Variants in CBLN2 observed in about 807,000 individuals in gnomAD.
CBLN2 encodes the protein cerebellin 2 precursor, also known as cerebellin-2.
In CBLN2, 7 loss-of-function variants were observed where a neutral mutation model predicts 15.0. The ratio of observed to expected loss-of-function variants is 0.47; its 90% CI spans 0.27 to 0.88. The LOEUF is 0.88. Among genes scored for constraint, CBLN2 ranks in the 40% least tolerant of loss-of-function variants. The pLI is 0.14. For synonymous variants in CBLN2, 149 were observed against 135.2 expected (o/e 1.10, Z -0.71); for missense variants, 242 against 304.5 (o/e 0.79, Z 1.53).
chr18:72,599,724 G>A (rs984178979), intron 1 of CBLN2, among the ~76,000 whole-genome samples: 1 of 152,288 alleles, frequency 6.6e-6, no homozygotes, highest in South Asian at 2.1e-4. Context: ...GATAAATCAA[G>A]GTCTGGAACA....
chr18:72,561,757 G>A (rs1003720390), intron 1 of CBLN2, among the ~76,000 whole-genome samples: 49 of 152,136 alleles, frequency 3.2e-4, no homozygotes, highest in Admixed American at 2.8e-3. Flanking sequence ...ATAACGTATT[G>A]CTTATTTCAT....
intron 1 of CBLN2, among the ~76,000 whole-genome samples, chr18:72,603,623 C>T (rs2069563438): frequency 6.6e-6 from 1 of 152,066 alleles, no homozygotes; most frequent in African/African-American, 2.4e-5. Flanking sequence ...TGTGCCTTTC[C>T]TTCCTCAAGC....
At chr18:72,605,160 C>T (rs1289295142) in intron 1 of CBLN2, among the ~76,000 whole-genome samples, 1 of 152,160 alleles carries the variant, frequency 6.6e-6, no homozygotes, top group Non-Finnish European at 1.5e-5. Flanking sequence ...ATTGAATTTA[C>T]AGTCAACCAA....
In CBLN2 at chr18:72,542,228, G is replaced by T; in HGVS notation, c.-68C>A. ...CGGCGCGAGCGGCGCGGAAGGGCGC[G>T]AAGGAACGCGCGGAGCTCGCAGCAG... On this transcript the variant is annotated 5_prime_UTR_variant, in exon 3 of 5. Transcript: ENST00000269503. The T allele has an allele frequency of 9.4e-7, 1 of 1,065,198 alleles. No individual in the cohort carries two copies. Among genetic ancestry groups the T allele is most frequent in the East Asian group, 4.5e-5 (1 of 22,310 alleles). 66.0% of individuals were successfully genotyped at this position (1,065,198 alleles called of 1,614,324 possible).
chr18:72,626,273 T>A (rs1387046822), intron 1 of CBLN2, among the ~76,000 whole-genome samples: 1 of 152,186 alleles, frequency 6.6e-6, no homozygotes, highest in East Asian at 1.9e-4. Context: ...GTATTTTTTT[T>A]AATCAGTAGG....
intron 1 of CBLN2, among the ~76,000 whole-genome samples, chr18:72,565,799 A>C (rs1011794575): frequency 6.6e-6 from 1 of 152,202 alleles, no homozygotes; most frequent in African/African-American, 2.4e-5. Context: ...TGACAAAAGC[A>C]AAAATAGACA....
intron 1 of CBLN2, among the ~76,000 whole-genome samples, chr18:72,607,821 C>T (rs778942093): frequency 3.3e-5 from 5 of 152,036 alleles, no homozygotes; most frequent in Admixed American, 6.6e-5. Flanking sequence ...CCCTAATCAG[C>T]GATCCATTCC....
chr18:72,589,212 G>T (rs1358509373), intron 1 of CBLN2, among the ~76,000 whole-genome samples: 1 of 152,188 alleles, frequency 6.6e-6, no homozygotes, highest in Non-Finnish European at 1.5e-5. Context: ...TAATTGGGGA[G>T]TAAAATGTGT....
At chr18:72,580,128 GA>G (rs1015495617) in intron 1 of CBLN2, among the ~76,000 whole-genome samples, 1 of 151,416 alleles carries the variant, frequency 6.6e-6, no homozygotes, top group Non-Finnish European at 1.5e-5. Flanking sequence ...AAAATAGTAG[GA>G]AAAAATGGCA....
chr18:72,607,742 T>C (rs1005108559), intron 1 of CBLN2, among the ~76,000 whole-genome samples: 1 of 152,094 alleles, frequency 6.6e-6, no homozygotes, highest in African/African-American at 2.4e-5. Context: ...TTTAAAAGAC[T>C]GAGTGGAGGA....
At chr18:72,579,250 G>T (rs925772071) in intron 1 of CBLN2, among the ~76,000 whole-genome samples, 6 of 151,988 alleles carry the variant, frequency 3.9e-5, no homozygotes, top group Admixed American at 6.6e-5. Flanking sequence ...TCCCACTAAT[G>T]TTTTCAAATT....
chr18:72,621,547 C>T (rs2069700749), intron 1 of CBLN2, among the ~76,000 whole-genome samples: 1 of 152,132 alleles, frequency 6.6e-6, no homozygotes, highest in African/African-American at 2.4e-5. Context: ...GCAACAAAAA[C>T]AACAAATTTC....
intron 1 of CBLN2, among the ~76,000 whole-genome samples, chr18:72,575,888 C>T (rs2069363308): frequency 6.6e-6 from 1 of 152,144 alleles, no homozygotes; most frequent in African/African-American, 2.4e-5. Flanking sequence ...ATTCTGACCA[C>T]TGGAGTAAAA....
chr18:72,629,886 A>ATTTTTATAT (rs1204131520), intron 1 of CBLN2, among the ~76,000 whole-genome samples: 1 of 152,134 alleles, frequency 6.6e-6, no homozygotes, highest in Non-Finnish European at 1.5e-5. Context: ...TGATACCACA[A>ATTTTTATAT]TTTTTATATT....
At chr18:72,622,387 G>A (rs551379357) in intron 1 of CBLN2, among the ~76,000 whole-genome samples, 1 of 151,528 alleles carries the variant, frequency 6.6e-6, no homozygotes, top group African/African-American at 2.4e-5. Flanking sequence ...GACTTTCTGG[G>A]GCCAATGCTT....
intron 1 of CBLN2, among the ~76,000 whole-genome samples, chr18:72,605,942 A>G (rs1300298638): frequency 2.6e-5 from 4 of 152,220 alleles, no homozygotes; most frequent in African/African-American, 9.6e-5. Context: ...CCCTAAATAT[A>G]TTTAAAGAAT....
At chr18:72,570,788 A>G (rs1408119402) in intron 1 of CBLN2, among the ~76,000 whole-genome samples, 1 of 152,156 alleles carries the variant, frequency 6.6e-6, no homozygotes, top group Non-Finnish European at 1.5e-5. Flanking sequence ...TGCAACAAGA[A>G]GGCAGAGTGT....
intron 1 of CBLN2, among the ~76,000 whole-genome samples, chr18:72,594,553 G>A (rs1255109702): frequency 3.3e-5 from 5 of 151,780 alleles, no homozygotes; most frequent in African/African-American, 4.8e-5. Flanking sequence ...TATAGTTTGA[G>A]TAGGATTGGT....
intron 1 of CBLN2, among the ~76,000 whole-genome samples, chr18:72,559,188 G>C (rs1475257378): frequency 6.6e-6 from 1 of 152,186 alleles, no homozygotes; most frequent in Admixed American, 6.6e-5. Flanking sequence ...GATTGCTCCG[G>C]GTCTCAGGCA....
Sources: gnomAD v4.1 joint callset for allele counts (sites outside exome capture counted in the v4.1 genomes callset) on GRCh38, gnomAD v4.1.1 for gene constraint, MANE v1.5 for transcripts, NCBI Gene and HGNC (gene_info 2026-07-23, HGNC 2026-07-21) for gene names.